Variants in ABCC3 observed in about 807,000 individuals in gnomAD.
The protein encoded by ABCC3 is ATP-binding cassette sub-family C member 3.
A neutral mutation model predicts 165.3 loss-of-function variants in ABCC3; 121 were observed. That is an observed-to-expected ratio of 0.73 (90% confidence interval 0.63 to 0.85). ABCC3 has a LOEUF of 0.85. Among genes scored for constraint, ABCC3 ranks in the 40% least tolerant of loss-of-function variants. The pLI, the probability that ABCC3 is intolerant of heterozygous loss-of-function variation, is 0.00. For synonymous variants in ABCC3, 733 were observed against 810.1 expected (o/e 0.90, Z 1.62); for missense variants, 1,869 against 1,964.1 (o/e 0.95, Z 0.92).
chr17:50,667,729 C>T lies in ABCC3; in HGVS notation c.1607C>T (p.Thr536Ile). The T allele has an allele frequency of 6.2e-7, 1 of 1,614,122 alleles. No individual in the cohort carries two copies. Among genetic ancestry groups the T allele is most frequent in the Non-Finnish European group, 8.5e-7 (1 of 1,180,050 alleles). Residue 536 changes from threonine to isoleucine, a missense_variant, in exon 12 of 31, where the codon ACC (threonine) becomes ATC (isoleucine). Transcript: ENST00000285238. ...GCGGCCTACCTCCACACCACAACCACCTTCACCTGGATGTGCAGCCCCTTC... is the reference window on the plus strand; with the variant it reads ...GCGGCCTACCTCCACACCACAACCATCTTCACCTGGATGTGCAGCCCCTTC... ...RTAAYLHTTTTFTWMCSPFLV... is the reference protein window; with the variant it reads ...RTAAYLHTTTIFTWMCSPFLV...
intron 8 of ABCC3, chr17:50,663,323 C>G (rs571649004): frequency 2.3e-5 from 6 of 262,954 alleles, no homozygotes; most frequent in Non-Finnish European, 4.4e-5. Context: ...ATCTAGAGCC[C>G]CCAGCAGCCT....
chr17:50,661,214 C>T, intron 8 of ABCC3, 100 bp downstream of exon 8: 1 of 1,261,934 alleles, frequency 7.9e-7, no homozygotes, highest in African/African-American at 1.5e-5. Context: ...GAACCCCAGA[C>T]CAGGAACCAG....
At chr17:50,643,337 CA>C (rs1966925564) in intron 1 of ABCC3, among the ~76,000 whole-genome samples, 1 of 152,234 alleles carries the variant, frequency 6.6e-6, no homozygotes, top group African/African-American at 2.4e-5. Context: ...AGAGACTCAG[CA>C]AGAGTATGTG....
intron 19 of ABCC3, among the ~76,000 whole-genome samples, chr17:50,673,917 T>C (rs1394913923): frequency 1.5e-4 from 2 of 13,362 alleles, no homozygotes; most frequent in Admixed American, 8.8e-4. Flanking sequence ...TCTTTCTTTC[T>C]TTCTTTCTTT....
chr17:50,658,300 G>A, intron 5 of ABCC3, 93 bp downstream of exon 5: 3 of 1,598,906 alleles, frequency 1.9e-6, no homozygotes, highest in South Asian at 1.1e-5. Flanking sequence ...TCCTTTCAAA[G>A]TGGGAGAGAG....
At chr17:50,651,064 C>CA (rs1299923042) in intron 1 of ABCC3, among the ~76,000 whole-genome samples, 1 of 36,760 alleles carries the variant, frequency 2.7e-5, no homozygotes, top group Non-Finnish European at 7.1e-5. Flanking sequence ...GACTCCATCT[C>CA]AGAAAAAAAA....
At chr17:50,657,364 T>TA (rs1967275498) in intron 4 of ABCC3, among the ~76,000 whole-genome samples, 181 bp downstream of exon 4, 1 of 152,118 alleles carries the variant, frequency 6.6e-6, no homozygotes, top group African/African-American at 2.4e-5. Flanking sequence ...GGCACCAGTG[T>TA]AACACAGGAA....
In ABCC3 at chr17:50,663,994, G is replaced by A. The variant is rs771880413; in HGVS notation, c.1221G>A (p.Gly407=). ...TNSVKRASTV[G]EIVNLMSVDA... The stretch of plus-strand genomic sequence containing the variant: ...CAGTCAAACGTGCGTCCACTGTGGG[G>A]GAAATTGTCAACCTCATGTCAGTGG... Residue 407 remains glycine, a synonymous_variant, in exon 10 of 31, where the codon GGG becomes GGA. Coordinates refer to ENST00000285238, the MANE Select transcript of ABCC3 (RefSeq NM_003786.4). 1 of 1,614,116 alleles carries A rather than the reference G, an allele frequency of 6.2e-7. No individual in the cohort carries two copies. The highest frequency in any genetic ancestry group is 1.1e-5 in the South Asian group (1 of 91,084).
intron 1 of ABCC3, among the ~76,000 whole-genome samples, chr17:50,654,993 C>G (rs759412028): frequency 3.9e-4 from 57 of 145,254 alleles, no homozygotes; most frequent in Non-Finnish European, 7.1e-4. Flanking sequence ...CCAGCTACTC[C>G]AGAGGCTGAG....
intron 1 of ABCC3, chr17:50,635,219 G>A (rs1443468620): frequency 9.6e-6 from 6 of 627,914 alleles, no homozygotes; most frequent in African/African-American, 9.1e-5. Context: ...CTGCAGCACT[G>A]GGGAGCCCGG....
chr17:50,673,986 C>T (rs377191519), intron 19 of ABCC3, among the ~76,000 whole-genome samples: 6,009 of 11,142 alleles, frequency 0.54, 1,461 homozygotes, highest in South Asian at 0.57. Flanking sequence ...CTTTCTCTCT[C>T]TCTCTCTCTC....
intron 25 of ABCC3, 91 bp downstream of exon 25, chr17:50,678,310 C>A: frequency 7.3e-7 from 1 of 1,374,166 alleles, no homozygotes; most frequent in Non-Finnish European, 9.6e-7. Flanking sequence ...CCTCCCTGCT[C>A]AGTATGGGCA....
chr17:50,645,526 G>A (rs1966988748), intron 1 of ABCC3, among the ~76,000 whole-genome samples: 2 of 152,134 alleles, frequency 1.3e-5, no homozygotes. Flanking sequence ...AGGCAGTAGG[G>A]AGCTACTGAA....
At chr17:50,668,313 C>G in intron 13 of ABCC3, 117 bp from the exon 14 acceptor site, 1 of 825,136 alleles carries the variant, frequency 1.2e-6, no homozygotes, top group Non-Finnish European at 2.0e-6. Context: ...GACCCCAGTG[C>G]TAGTGTCTGG....
chr17:50,653,758 GAAA>G (rs57247095), intron 1 of ABCC3, among the ~76,000 whole-genome samples: 1 of 132,308 alleles, frequency 7.6e-6, no homozygotes, highest in African/African-American at 2.9e-5. Flanking sequence ...CATCTCAAAA[GAAA>G]AAAAAAAAAA....
chr17:50,663,966 A>T lies in ABCC3; in HGVS notation c.1193A>T (p.Asn398Ile). 6.2e-7 allele frequency: 1 copy of T among 1,614,114 alleles called. No individual in the cohort carries two copies. Among genetic ancestry groups the T allele is most frequent in the Non-Finnish European group, 8.5e-7 (1 of 1,180,018 alleles). The change falls in exon 10 of 31, where the codon AAC becomes ATC. Residue 398 changes from asparagine (N) to isoleucine (I), a missense_variant. Physicochemically the swap from Asn to Ile is moderately radical, Grantham distance 149 (BLOSUM62 -3). Transcript: ENST00000285238. Reference sequence around the variant, plus strand: ...TACCTGCAGGCTCTGGTTATCACCAACTCAGTCAAACGTGCGTCCACTGTG... The same window carrying T: ...TACCTGCAGGCTCTGGTTATCACCATCTCAGTCAAACGTGCGTCCACTGTG... ...VIYRKALVIT[N>I]SVKRASTVGE...
intron 14 of ABCC3, 110 bp from the exon 15 acceptor site, chr17:50,668,743 C>A: frequency 1.1e-6 from 1 of 932,368 alleles, no homozygotes; most frequent in South Asian, 1.4e-5. Context: ...ATCCCCTCCC[C>A]ATGGCCCAGG....
At chr17:50,641,242 A>C (rs1271336008) in intron 1 of ABCC3, among the ~76,000 whole-genome samples, 1 of 152,208 alleles carries the variant, frequency 6.6e-6, no homozygotes, top group Non-Finnish European at 1.5e-5. Context: ...CCAGCTGTTT[A>C]ATCGCATTAT....
rs572377068 is a variant in ABCC3 at position 50,663,435 on chromosome 17, G to A, written c.999-246G>A. 8.6e-5 allele frequency: 46 copies of A among 532,132 alleles called. 3 individuals carry two copies. The South Asian group carries it at 1.2e-3, about 14-fold the overall frequency. The allele number at this position is 532,132 out of a possible 1,614,324, so 33.0% of individuals were successfully genotyped here. A position where few individuals can be genotyped will look rare whatever the true frequency, so the allele number is the denominator to read the frequency against. ...GGCAGGTGAGGCTGGTGGTGAGAGC[G>A]TCATCGATAGGGCGTGCAGCAGGGT... On this transcript the variant is annotated intron_variant, in intron 8 of 30. Transcript: ENST00000285238.
Sources: allele counts gnomAD v4.1 joint callset (sites outside exome capture counted in the v4.1 genomes callset), GRCh38; gene constraint gnomAD v4.1.1; transcripts MANE v1.5; gene names NCBI Gene and HGNC (gene_info 2026-07-23, HGNC 2026-07-21).